PRKCE: variants seen among roughly 807,000 people sequenced by gnomAD.
The protein encoded by PRKCE is protein kinase C epsilon type.
In PRKCE, 16 loss-of-function variants were observed where a neutral mutation model predicts 85.4. That is an observed-to-expected ratio of 0.19 (90% confidence interval 0.13 to 0.28). PRKCE has a LOEUF of 0.28. Ranked by LOEUF, PRKCE falls within the 10% of genes least tolerant of loss-of-function variation. The pLI, the probability that PRKCE is intolerant of heterozygous loss-of-function variation, is 1.00. For synonymous variants in PRKCE, 388 were observed against 371.5 expected (o/e 1.04, Z -0.51); for missense variants, 573 against 975.2 (o/e 0.59, Z 5.49).
chr2:45,782,783 TCACA>T (rs1032753330), intron 1 of PRKCE, among the ~76,000 whole-genome samples: 1 of 150,082 alleles, frequency 6.7e-6, no homozygotes, highest in Non-Finnish European at 1.5e-5. Flanking sequence ...ACACACACAC[TCACA>T]CACACACACC....
chr2:46,103,466 G>T lies in PRKCE; in HGVS notation c.1592+17104G>T, dbSNP rs928559592. Among the ~76,000 whole-genome samples, 4 of 152,286 alleles carry T rather than the reference G, an allele frequency of 2.6e-5. No homozygotes were observed. In the Middle Eastern group the frequency reaches 0.014, roughly 518 times the overall value. On this transcript the variant is annotated intron_variant, in intron 11 of 14. Transcript: ENST00000306156. ...CTCAAAGGACAGAACAAGGAATTGT[G>T]TGTGTTCTAACTCATGAATACACAC...
In PRKCE at chr2:45,716,708, AAGGAAGGAAGGAAGGAAGGAAGGAAAGT is replaced by A. The variant is rs1457296919; in HGVS notation, c.348+64270_348+64297del. On this transcript the variant is annotated intron_variant, in intron 1 of 14. Transcript: ENST00000306156. ...GAAGAAGAGAAGGAAGGAAGGAAGGAAGGAAGGAAGGAAGGAAGGAAGGAAAGTAGGAAGGAACTTCCCGAGACTGCAG... is the reference window on the plus strand; with the variant it reads ...GAAGAAGAGAAGGAAGGAAGGAAGGAAGGAAGGAACTTCCCGAGACTGCAG... 1.0e-3 allele frequency among the ~76,000 whole-genome samples: 123 copies of A among 120,124 alleles called. 1 individual carries two copies. The highest frequency in any genetic ancestry group is 2.4e-3 in the Admixed American group (30 of 12,358). 78.8% of individuals were successfully genotyped at this position (120,124 alleles called of 152,430 possible).
chr2:45,692,604 T>C (rs1000517836), intron 1 of PRKCE, among the ~76,000 whole-genome samples: 2 of 152,100 alleles, frequency 1.3e-5, no homozygotes, highest in African/African-American at 4.8e-5. Context: ...CATAAAACCA[T>C]TTGTCCTCAA....
intron 2 of PRKCE, among the ~76,000 whole-genome samples, chr2:45,858,221 C>A (rs1692836069): frequency 6.6e-6 from 1 of 152,202 alleles, no homozygotes; most frequent in South Asian, 2.1e-4. Context: ...ACCAGGCCAA[C>A]TAGAAACACC....
At chr2:45,914,442 G>C (rs992973586) in intron 2 of PRKCE, among the ~76,000 whole-genome samples, 1 of 152,218 alleles carries the variant, frequency 6.6e-6, no homozygotes, top group Non-Finnish European at 1.5e-5. Context: ...GTTCTGTGCT[G>C]TAGATCTAGA....
intron 10 of PRKCE, among the ~76,000 whole-genome samples, chr2:46,014,562 GA>G (rs1238050043): frequency 6.6e-6 from 1 of 151,914 alleles, no homozygotes; most frequent in Non-Finnish European, 1.5e-5. Flanking sequence ...TTGCATATGA[GA>G]AAAAAAATTT....
chr2:45,922,701 G>C (rs1476125340), intron 2 of PRKCE, among the ~76,000 whole-genome samples: 1 of 152,190 alleles, frequency 6.6e-6, no homozygotes, highest in African/African-American at 2.4e-5. Flanking sequence ...CTCTTTAATA[G>C]AGACGTGTGA....
In PRKCE at chr2:46,001,271, ATTTC is replaced by A; in HGVS notation, c.824-131_824-128del. On this transcript the variant is annotated intron_variant, in intron 6 of 14. Transcript: ENST00000306156. The surrounding 1 kb of genome is among the most constrained non-coding windows in gnomAD (Gnocchi z 4.4). ...GGAAGACATATATATATATATATAT[ATTTC>A]TGTATTTTCCAAATTATATCTTAAA... 10 of 570,928 alleles carry A rather than the reference ATTTC, an allele frequency of 1.8e-5. No individual in the cohort carries two copies. Among genetic ancestry groups the A allele is most frequent in the Non-Finnish European group, 2.4e-5 (10 of 411,704 alleles). The allele number at this position is 570,928 out of a possible 1,614,324, so 35.4% of individuals were successfully genotyped here. A position where few individuals can be genotyped will look rare whatever the true frequency, so the allele number is the denominator to read the frequency against.
chr2:46,128,628 A>G (rs1674104082), intron 11 of PRKCE, among the ~76,000 whole-genome samples: 1 of 152,134 alleles, frequency 6.6e-6, no homozygotes, highest in Non-Finnish European at 1.5e-5. Context: ...GCATCATAGG[A>G]GCTCCCTGTT....
intron 2 of PRKCE, among the ~76,000 whole-genome samples, chr2:45,892,400 T>C (rs1479703300): frequency 6.6e-6 from 1 of 152,046 alleles, no homozygotes; most frequent in Non-Finnish European, 1.5e-5. Flanking sequence ...GATACTTTCT[T>C]TTTTTTTCAT....
At chr2:45,988,513 G>A (rs1214022940) in intron 6 of PRKCE, among the ~76,000 whole-genome samples, 3 of 151,900 alleles carry the variant, frequency 2.0e-5, no homozygotes, top group Non-Finnish European at 2.9e-5. Flanking sequence ...GAACTGTGGG[G>A]CAACCAGCCC....
intron 1 of PRKCE, among the ~76,000 whole-genome samples, chr2:45,699,619 A>G (rs1678450216): frequency 6.6e-6 from 1 of 152,200 alleles, no homozygotes; most frequent in Admixed American, 6.5e-5. Flanking sequence ...ACAGAGGCCA[A>G]ACTTGTTTTA....
chr2:45,918,090 T>C (rs1019712671), intron 2 of PRKCE, among the ~76,000 whole-genome samples: 4 of 152,214 alleles, frequency 2.6e-5, no homozygotes, highest in Non-Finnish European at 5.9e-5. Context: ...GGGAGCCGGC[T>C]CCGGCCTTGG....
In PRKCE at chr2:46,001,502, G is replaced by A. The variant is rs761639222; in HGVS notation, c.922G>A (p.Val308Ile). The change falls in exon 7 of 15, where the codon GTT (valine) becomes ATT (isoleucine). Residue 308 changes from valine (V) to isoleucine (I), a missense_variant. By Grantham distance (29) the Val-to-Ile change is conservative (BLOSUM62 3). This residue lies in a region of PRKCE where 55 missense variants were observed against 128.1 expected (regional missense o/e 0.43). Coordinates refer to ENST00000306156, the MANE Select transcript of PRKCE (RefSeq NM_005400.3). This position sits in a 1 kb window ranked among gnomAD's most constrained non-coding sequence, Gnocchi z 4.4. ...GIAKVLADLG[V>I]TPDKITNSGQ... is the part of the protein sequence containing the mutation. ...CGCCAAAGTACTGGCCGACCTGGGC[G>A]TTACCCCAGACAAAATCACCAACAG... 93 of 1,599,170 alleles carry A rather than the reference G, an allele frequency of 5.8e-5. No homozygotes were observed. Among genetic ancestry groups the A allele is most frequent in the Non-Finnish European group, 7.3e-5 (86 of 1,179,744 alleles).
chr2:46,101,772 C>A (rs1043629639), intron 11 of PRKCE, among the ~76,000 whole-genome samples: 1 of 149,610 alleles, frequency 6.7e-6, no homozygotes, highest in Non-Finnish European at 1.5e-5. Flanking sequence ...GTGGCTTGTC[C>A]GAGGACACTC....
At chr2:45,832,854 T>C (rs946814957) in intron 1 of PRKCE, among the ~76,000 whole-genome samples, 5 of 152,202 alleles carry the variant, frequency 3.3e-5, no homozygotes, top group African/African-American at 9.6e-5. Flanking sequence ...ACCCATCAAA[T>C]GGTTAAGAAC....
intron 1 of PRKCE, among the ~76,000 whole-genome samples, chr2:45,798,772 T>G (rs1016514604): frequency 2.0e-5 from 3 of 151,996 alleles, no homozygotes; most frequent in Non-Finnish European, 4.4e-5. Context: ...AGTGGCTTTT[T>G]TTTTTTTACC....
chr2:45,702,384 T>C (rs1008521625), intron 1 of PRKCE, among the ~76,000 whole-genome samples: 2 of 152,164 alleles, frequency 1.3e-5, no homozygotes, highest in African/African-American at 2.4e-5. Context: ...GAAATGGGGA[T>C]GATCATGCCT....
intron 14 of PRKCE, among the ~76,000 whole-genome samples, chr2:46,163,923 A>G (rs112289243): frequency 0.026 from 2,729 of 106,268 alleles, 48 homozygotes; most frequent in African/African-American, 0.086. Flanking sequence ...TGAGAGACAC[A>G]GGGAAGCTGA....
Sources: allele counts gnomAD v4.1 joint callset (sites outside exome capture counted in the v4.1 genomes callset), GRCh38; gene constraint gnomAD v4.1.1; regional missense constraint gnomAD v4.1.1; non-coding constraint Gnocchi (gnomAD v3.1); transcripts MANE v1.5; gene names NCBI Gene and HGNC (gene_info 2026-07-23, HGNC 2026-07-21).